BRF1: variants seen among roughly 807,000 people sequenced by gnomAD.
BRF1 encodes transcription factor IIIB 90 kDa subunit.
In BRF1, 59 loss-of-function variants were observed where a neutral mutation model predicts 81.7. That is an observed-to-expected ratio of 0.72 (90% CI 0.59 to 0.90). BRF1 has a LOEUF of 0.90. Among genes scored for constraint, BRF1 ranks in the 40% least tolerant of loss-of-function variants. The pLI, the probability that BRF1 is intolerant of heterozygous loss-of-function variation, is 0.00. For missense variants in BRF1, 1,050 were observed against 936.3 expected (o/e 1.12, Z -1.58); for synonymous variants, 491 against 395.6 (o/e 1.24, Z -2.86).
Position 105,315,138 on chromosome 14 carries a change from G to GAGCCCAGGTCGCCCCCCGCGC in BRF1, c.-162+163_-162+183dup. On this transcript the variant is annotated intron_variant, in intron 1 of 17. Transcript: ENST00000327359. The surrounding 1 kb of genome is among the most constrained non-coding windows in gnomAD (Gnocchi z 4.4). ...CATCCCCGGCCCGGGTCCCCCAGCG[G>GAGCCCAGGTCGCCCCCCGCGC]AGCCCAGGTCGCCCCCCGCGCCCCC... is the stretch of plus-strand genomic sequence containing the variant. The GAGCCCAGGTCGCCCCCCGCGC allele has an allele frequency of 1.4e-6, 1 of 733,282 alleles. No individual in the cohort carries two copies. The highest frequency in any genetic ancestry group is 1.7e-6 in the Non-Finnish European group (1 of 591,048). 45.4% of individuals were successfully genotyped at this position (733,282 alleles called of 1,614,324 possible).
chr14:105,214,759 G>A (rs930385923), intron 15 of BRF1, among the ~76,000 whole-genome samples: 6 of 152,214 alleles, frequency 3.9e-5, no homozygotes, highest in African/African-American at 1.4e-4. Flanking sequence ...GCTGAGGAAC[G>A]CTGTGGTCGC....
intron 2 of BRF1, among the ~76,000 whole-genome samples, chr14:105,274,421 C>T (rs895441084): frequency 3.3e-5 from 5 of 152,190 alleles, no homozygotes; most frequent in Non-Finnish European, 1.5e-5. Context: ...CTCAGTCTCT[C>T]GTCCCACCTG....
At chr14:105,211,854 A>G (rs894095486) in intron 16 of BRF1, 11 of 553,420 alleles carry the variant, frequency 2.0e-5, no homozygotes, top group Middle Eastern at 5.0e-4. Flanking sequence ...GGCCCACAGC[A>G]AGGCTGCTCA....
rs909639879 is a variant in BRF1, at chr14:105,284,465, C to T, written c.265+1831G>A. On this transcript the variant is annotated intron_variant, in intron 2 of 17. Coordinates refer to ENST00000547530, the MANE Select transcript of BRF1 (RefSeq NM_001519.4). This position sits in a 1 kb window ranked among gnomAD's most constrained non-coding sequence, Gnocchi z 4.0. The stretch of plus-strand genomic sequence containing the variant: ...AGGAGCAGAGGCAGGTGCTCAAGAG[C>T]CCGGCCTCCTGGAGATGGCCCAGGA... 6.6e-6 allele frequency among the ~76,000 whole-genome samples: 1 copy of T among 152,146 alleles called. No homozygotes were observed. The highest frequency in any genetic ancestry group is 1.5e-5 in the Non-Finnish European group (1 of 68,020).
intron 12 of BRF1, 133 bp from the exon 13 acceptor site, chr14:105,219,365 G>T: frequency 6.7e-7 from 1 of 1,497,584 alleles, no homozygotes; most frequent in Non-Finnish European, 8.9e-7. Flanking sequence ...ATTTAGTGCG[G>T]AGCCTGGGCT....
At chr14:105,249,307 T>G in intron 5 of BRF1, 2 of 1,587,484 alleles carry the variant, frequency 1.3e-6, no homozygotes, top group Non-Finnish European at 1.7e-6. Flanking sequence ...GCCGTGTGGC[T>G]GACACGCAGC....
chr14:105,222,046 T>C, intron 10 of BRF1, 132 bp from the exon 11 acceptor site: 3 of 1,225,250 alleles, frequency 2.4e-6, no homozygotes, highest in Non-Finnish European at 2.2e-6. Flanking sequence ...GGCGGTCAGG[T>C]GCCAAAGAAC....
chr14:105,229,631 C>A (rs1197963829), intron 6 of BRF1, among the ~76,000 whole-genome samples: 2 of 151,082 alleles, frequency 1.3e-5, no homozygotes, highest in Non-Finnish European at 3.0e-5. Context: ...AGAACAGTCG[C>A]CCAGCTGGGG....
rs187449805 is a variant in BRF1, at chr14:105,290,764, C to T, written c.185-4388G>A. Among the ~76,000 whole-genome samples, 71 of 152,064 alleles carry T rather than the reference C, an allele frequency of 4.7e-4. No individual in the cohort carries two copies. In the East Asian group the frequency reaches 0.012, roughly 25 times the overall value. ...TCCAGCCTCCCATACCCTCCTCACA[C>T]CCCAGGACCTCTGTTTCCTGTCCCT... On this transcript the variant is annotated intron_variant, in intron 1 of 17. Coordinates refer to ENST00000547530, the MANE Select transcript of BRF1 (RefSeq NM_001519.4).
chr14:105,282,478 C>T (rs1284784653), intron 2 of BRF1, among the ~76,000 whole-genome samples: 2 of 152,152 alleles, frequency 1.3e-5, no homozygotes, highest in African/African-American at 2.4e-5. Context: ...GGCTGGGTGG[C>T]GGGCGGGAGT....
intron 15 of BRF1, among the ~76,000 whole-genome samples, chr14:105,215,742 TAC>T (rs778945332): frequency 6.9e-5 from 7 of 100,812 alleles, no homozygotes; most frequent in African/African-American, 1.3e-4. Flanking sequence ...ACACACTGCA[TAC>T]ACAGACACAG....
At chr14:105,308,226 T>A (rs4983601) in intron 1 of BRF1, among the ~76,000 whole-genome samples, 151,756 of 151,846 alleles carry the variant, frequency 1, 75,833 homozygotes, top group African/African-American at 1. Context: ...TCACACCTGT[T>A]ATCCCAGCAC....
At chr14:105,250,520 C>G in intron 5 of BRF1, 1 of 1,614,094 alleles carries the variant, frequency 6.2e-7, no homozygotes, top group East Asian at 2.2e-5. Context: ...CAGTGCCGTC[C>G]TGGACGGCAG....
intron 15 of BRF1, 174 bp from the exon 16 acceptor site, chr14:105,212,338 AAC>A (rs1170756736): frequency 6.6e-6 from 5 of 763,340 alleles, no homozygotes; most frequent in Non-Finnish European, 8.4e-6. Flanking sequence ...ACTGCACATC[AAC>A]ACAGAGCTCT....
intron 2 of BRF1, among the ~76,000 whole-genome samples, chr14:105,279,984 G>A (rs1462667986): frequency 6.6e-6 from 1 of 152,212 alleles, no homozygotes; most frequent in Non-Finnish European, 1.5e-5. Flanking sequence ...CTTCCTTGCT[G>A]CTGGGAGCAC....
intron 1 of BRF1, among the ~76,000 whole-genome samples, chr14:105,296,117 T>C (rs867044034): frequency 6.8e-6 from 1 of 148,002 alleles, no homozygotes; most frequent in East Asian, 2.0e-4. Context: ...AGGAGTGTAT[T>C]AAAAACTCTT....
At chr14:105,244,181 C>T (rs1468682800) in intron 5 of BRF1, among the ~76,000 whole-genome samples, 5 of 151,544 alleles carry the variant, frequency 3.3e-5, no homozygotes, top group Admixed American at 3.3e-4. Context: ...GTGGCTCACA[C>T]CTGTGAGTCC....
At chr14:105,228,950 TG>T in intron 6 of BRF1, 37 bp from the exon 7 acceptor site, 3 of 1,600,224 alleles carry the variant, frequency 1.9e-6, no homozygotes, top group Non-Finnish European at 2.6e-6. Flanking sequence ...CAACCACGGC[TG>T]GGAACCAGGG....
In BRF1 at chr14:105,241,456, A is replaced by G. The variant is rs148495288; in HGVS notation, c.545-42T>C. 1.8e-4 allele frequency: 296 copies of G among 1,605,408 alleles called. 2 individuals carry two copies. The East Asian group carries it at 6.0e-3, about 32-fold the overall frequency. On this transcript the variant is annotated intron_variant, in intron 5 of 17. Transcript: ENST00000547530. Reference sequence around the variant, plus strand: ...ACCTCAGTGCCCACCTCCATGTGCCATGGCACGTGCACAGGCGGCCCACGC... The same window carrying G: ...ACCTCAGTGCCCACCTCCATGTGCCGTGGCACGTGCACAGGCGGCCCACGC...
Sources: allele counts gnomAD v4.1 joint callset (sites outside exome capture counted in the v4.1 genomes callset), GRCh38; gene constraint gnomAD v4.1.1; non-coding constraint Gnocchi (gnomAD v3.1); transcripts MANE v1.5; gene names NCBI Gene and HGNC (gene_info 2026-07-23, HGNC 2026-07-21).